SUSD1: variants seen among roughly 807,000 people sequenced by gnomAD.
The protein encoded by SUSD1 is sushi domain-containing protein 1.
SUSD1 carries 65 observed loss-of-function variants against 86.9 expected under a neutral mutation model. The observed-to-expected ratio is 0.75, with a 90% confidence interval of 0.61 to 0.92. SUSD1 has a LOEUF of 0.92. Among genes scored for constraint, SUSD1 ranks in the 40% least tolerant of loss-of-function variants. SUSD1 has a pLI of 0.00. For synonymous variants in SUSD1, 346 were observed against 350.0 expected (o/e 0.99, Z 0.13); for missense variants, 850 against 929.7 (o/e 0.91, Z 1.11).
intron 1 of SUSD1, among the ~76,000 whole-genome samples, chr9:112,167,723 A>G (rs1422749062): frequency 6.6e-6 from 1 of 152,210 alleles, no homozygotes; most frequent in Non-Finnish European, 1.5e-5. Flanking sequence ...CCTACTTTAT[A>G]TGGTTGTTGT....
intron 5 of SUSD1, among the ~76,000 whole-genome samples, chr9:112,135,861 A>G (rs1251963585): frequency 1.3e-5 from 2 of 152,228 alleles, no homozygotes; most frequent in African/African-American, 4.8e-5. Flanking sequence ...AATAGCTCTA[A>G]GGGATGAACA....
chr9:112,170,086 T>C (rs1263914246), intron 1 of SUSD1, among the ~76,000 whole-genome samples: 2 of 152,218 alleles, frequency 1.3e-5, no homozygotes, highest in Non-Finnish European at 2.9e-5. Context: ...CATCCCATTT[T>C]AGGATTTGAC....
chr9:112,142,455 T>C lies in SUSD1; in HGVS notation c.571A>G (p.Ile191Val), dbSNP rs1589717393. 1 of 1,614,024 alleles carries C rather than the reference T, an allele frequency of 6.2e-7. No individual in the cohort carries two copies. The highest frequency in any genetic ancestry group is 8.5e-7 in the Non-Finnish European group (1 of 1,180,006). Residue 191 changes from isoleucine to valine, a missense_variant, in exon 5 of 17, where the codon ATA (isoleucine) becomes GTA (valine). Physicochemically the swap from Ile to Val is conservative, Grantham distance 29. Transcript: ENST00000374270. ...TPPEVPDGYIIGNYTSSLGSQ... is the reference protein window; with the variant it reads ...TPPEVPDGYIVGNYTSSLGSQ... ...CCCAGACTAGACGTATAATTTCCTA[T>C]GATATAGCCATCTGGAACCTCAGGA...
chr9:112,076,480 T>C (rs1382466073), intron 12 of SUSD1, among the ~76,000 whole-genome samples: 1 of 152,074 alleles, frequency 6.6e-6, no homozygotes, highest in East Asian at 1.9e-4. Context: ...AAGTAACAGA[T>C]AGAAACAGAG....
intron 8 of SUSD1, among the ~76,000 whole-genome samples, chr9:112,110,132 T>G (rs1831027181): frequency 6.6e-6 from 1 of 152,068 alleles, no homozygotes; most frequent in Non-Finnish European, 1.5e-5. Context: ...GCAGATCACT[T>G]GAGGTCAGGA....
chr9:112,136,433 T>C (rs922891412), intron 5 of SUSD1, among the ~76,000 whole-genome samples: 1 of 152,162 alleles, frequency 6.6e-6, no homozygotes, highest in Non-Finnish European at 1.5e-5. Flanking sequence ...AAGGTCTCAC[T>C]ATGTTTTCCG....
At chr9:112,069,810 G>A (rs1829178645) in intron 12 of SUSD1, among the ~76,000 whole-genome samples, 1 of 151,608 alleles carries the variant, frequency 6.6e-6, no homozygotes, top group Admixed American at 6.6e-5. Context: ...GCTCAGAAGA[G>A]GCAACTGCAG....
chr9:112,090,416 T>C (rs965280528), intron 10 of SUSD1, among the ~76,000 whole-genome samples: 10 of 152,204 alleles, frequency 6.6e-5, no homozygotes, highest in African/African-American at 2.2e-4. Context: ...TAGAATTTGA[T>C]GGATTCTACC....
chr9:112,049,750 T>C (rs767221461), intron 15 of SUSD1, among the ~76,000 whole-genome samples: 1 of 152,238 alleles, frequency 6.6e-6, no homozygotes, highest in Non-Finnish European at 1.5e-5. Context: ...GTAAATGTTA[T>C]ACATAAAAAA....
At position 112,129,686 on chromosome 9, in the gene SUSD1, G is replaced by A. The variant is rs144264681; in HGVS notation, c.707-5250C>T. Among the ~76,000 whole-genome samples, 3 of 152,268 alleles carry A rather than the reference G, an allele frequency of 2.0e-5. No individual in the cohort carries two copies. In the East Asian group the frequency reaches 5.8e-4, roughly 29 times the overall value. On this transcript the variant is annotated intron_variant, in intron 5 of 16. Transcript: ENST00000374270. Reference sequence around the variant, plus strand: ...TTATTTCCTGCCTTGCAGATTTAGTGTCTTTTTATGAATACATGCCTTCCC... The same window carrying A: ...TTATTTCCTGCCTTGCAGATTTAGTATCTTTTTATGAATACATGCCTTCCC...
At chr9:112,044,817 C>T (rs1377672862) in intron 15 of SUSD1, among the ~76,000 whole-genome samples, 1 of 152,182 alleles carries the variant, frequency 6.6e-6, no homozygotes, top group East Asian at 1.9e-4. Context: ...CTTTAAAAAG[C>T]ATGCACTTCT....
rs1281071940 is a variant in SUSD1, at chr9:112,175,245, G to C, written c.-10C>G. The stretch of plus-strand genomic sequence containing the variant: ...AGGGCCCCCGGCCCATGCCGCCGCC[G>C]GTCCCTCCCGGCGCGCCCGCGCCTC... On this transcript the variant is annotated 5_prime_UTR_variant, in exon 1 of 17. Transcript: ENST00000374270. The surrounding 1 kb of genome is among the most constrained non-coding windows in gnomAD (Gnocchi z 4.7). 1.4e-5 allele frequency: 16 copies of C among 1,141,962 alleles called. No homozygotes were observed. Among genetic ancestry groups the C allele is most frequent in the Non-Finnish European group, 1.7e-5 (16 of 931,194 alleles). The allele number at this position is 1,141,962 out of a possible 1,614,324, so 70.7% of individuals were successfully genotyped here.
rs535641733 is a variant in SUSD1 at position 112,040,833 on chromosome 9, A to G, written c.*659T>C. On this transcript the variant is annotated 3_prime_UTR_variant, in exon 17 of 17. Transcript: ENST00000374270. ...ATGTAGACATTACTTTTGAATATAT[A>G]GGACAATAGAAATTGCATCAAAGCA... 1 of 152,508 alleles carries G rather than the reference A, an allele frequency of 6.6e-6. No homozygotes were observed. Among genetic ancestry groups the G allele is most frequent in the East Asian group, 1.9e-4 (1 of 5,196 alleles). The allele number at this position is 152,508 out of a possible 1,614,324, so 9.4% of individuals were successfully genotyped here.
intron 12 of SUSD1, among the ~76,000 whole-genome samples, chr9:112,076,920 G>A (rs1829540540): frequency 6.6e-6 from 1 of 152,184 alleles, no homozygotes; most frequent in African/African-American, 2.4e-5. Context: ...ATCAAACGAA[G>A]AGCCTTTCAG....
chr9:112,079,137 CCT>C (rs372661148), intron 11 of SUSD1, among the ~76,000 whole-genome samples: 88 of 149,406 alleles, frequency 5.9e-4, no homozygotes, highest in Non-Finnish European at 5.4e-4. Context: ...GAGCTTTCTT[CCT>C]CTCTCTCTCT....
Position 112,069,438 on chromosome 9 carries a change from C to G in SUSD1, c.1754-6405G>C, listed in dbSNP as rs1419072958. On this transcript the variant is annotated intron_variant, in intron 12 of 16. Coordinates refer to ENST00000374270, the MANE Select transcript of SUSD1 (RefSeq NM_022486.5). ...ATTCTGTAGGATACAGCTGAGAAGA[C>G]AACAGCTGGATTCCTGTGGCAGTGA... Among the ~76,000 whole-genome samples the G allele has an allele frequency of 2.0e-5, 3 of 152,096 alleles. No individual in the cohort carries two copies. The East Asian group carries it at 5.8e-4, about 29-fold the overall frequency.
intron 12 of SUSD1, among the ~76,000 whole-genome samples, chr9:112,074,242 A>G (rs1383001482): frequency 1.3e-5 from 2 of 152,130 alleles, no homozygotes; most frequent in Non-Finnish European, 2.9e-5. Flanking sequence ...AAAAGAAAAT[A>G]GCACACTCAA....
At chr9:112,098,390 A>T (rs1393833492) in intron 10 of SUSD1, 80 bp downstream of exon 10, 1 of 1,421,614 alleles carries the variant, frequency 7.0e-7, no homozygotes, top group East Asian at 2.3e-5. Flanking sequence ...CCAAACTAGC[A>T]CTCTTATGCC....
At chr9:112,166,018 C>T (rs906955827) in intron 1 of SUSD1, among the ~76,000 whole-genome samples, 9 of 141,588 alleles carry the variant, frequency 6.4e-5, no homozygotes, top group Non-Finnish European at 1.4e-4. Flanking sequence ...TAAGTATAAC[C>T]GCAAAGACAG....
Sources: allele counts gnomAD v4.1 joint callset (sites outside exome capture counted in the v4.1 genomes callset), GRCh38; gene constraint gnomAD v4.1.1; non-coding constraint Gnocchi (gnomAD v3.1); transcripts MANE v1.5; gene names NCBI Gene and HGNC (gene_info 2026-07-23, HGNC 2026-07-21).